DSTYK: variants seen among roughly 807,000 people sequenced by gnomAD.
DSTYK encodes RIP-homologous kinase.
A neutral mutation model predicts 98.7 loss-of-function variants in DSTYK; 34 were observed. The ratio of observed to expected loss-of-function variants is 0.34; its 90% CI spans 0.26 to 0.46. The LOEUF (loss-of-function observed/expected upper bound fraction) is 0.46. Among genes scored for constraint, DSTYK ranks in the 20% least tolerant of loss-of-function variants. The pLI is 1.00. For synonymous variants in DSTYK, 462 were observed against 457.3 expected (o/e 1.01, Z -0.13); for missense variants, 962 against 1,181.7 (o/e 0.81, Z 2.73).
intron 2 of DSTYK, among the ~76,000 whole-genome samples, chr1:205,183,522 G>A (rs562443640): frequency 5.9e-4 from 90 of 152,320 alleles, no homozygotes; most frequent in African/African-American, 2.1e-3. Flanking sequence ...TTGTATAAGA[G>A]GGCAGGGGAA....
chr1:205,175,773 G>C (rs964307938), intron 2 of DSTYK, among the ~76,000 whole-genome samples: 17 of 152,168 alleles, frequency 1.1e-4, no homozygotes, highest in African/African-American at 3.6e-4. Flanking sequence ...ACCTCAGACT[G>C]TTTCATGGAT....
chr1:205,205,482 A>C (rs948824565), intron 1 of DSTYK, among the ~76,000 whole-genome samples: 2 of 151,852 alleles, frequency 1.3e-5, no homozygotes, highest in South Asian at 4.2e-4. Context: ...GTCTCACTCT[A>C]TCACCCAAGC....
At chr1:205,170,371 T>C (rs1454218343) in intron 2 of DSTYK, among the ~76,000 whole-genome samples, 2 of 152,172 alleles carry the variant, frequency 1.3e-5, no homozygotes, top group Non-Finnish European at 2.9e-5. Context: ...CAAGCACACT[T>C]TACTTCCCTC....
Position 205,143,436 on chromosome 1 carries a change from A to C in DSTYK, c.*4122T>G, listed in dbSNP as rs1047036574. Reference sequence around the variant, plus strand: ...AAAATCCAAAAGCTTTGGAAATTCCAGGAAAGCAACTACTCTTTTGGCAGT... The same window carrying C: ...AAAATCCAAAAGCTTTGGAAATTCCCGGAAAGCAACTACTCTTTTGGCAGT... On this transcript the variant is annotated 3_prime_UTR_variant, in exon 13 of 13. Transcript: ENST00000367162. 2 of 152,198 alleles carry C rather than the reference A, an allele frequency of 1.3e-5. No homozygotes were observed. The highest frequency in any genetic ancestry group is 2.9e-5 in the Non-Finnish European group (2 of 68,038). 9.4% of individuals were successfully genotyped at this position (152,198 alleles called of 1,614,324 possible). A position where few individuals can be genotyped will look rare whatever the true frequency, so the allele number is the denominator to read the frequency against.
intron 1 of DSTYK, among the ~76,000 whole-genome samples, chr1:205,206,856 C>T (rs1659218102): frequency 6.6e-6 from 1 of 152,094 alleles, no homozygotes; most frequent in African/African-American, 2.4e-5. Context: ...GCATGAGCCA[C>T]CGCTCCCGGC....
At position 205,183,080 on chromosome 1, in the gene DSTYK, G is replaced by GCACA. The variant is rs35209324; in HGVS notation, c.654+4334_654+4337dup. 1.0e-3 allele frequency among the ~76,000 whole-genome samples: 93 copies of GCACA among 88,788 alleles called. 1 individual carries two copies. In the East Asian group the frequency reaches 0.022, roughly 21 times the overall value. The allele number at this position is 88,788 out of a possible 152,430, so 58.2% of individuals were successfully genotyped here. A position where few individuals can be genotyped will look rare whatever the true frequency, so the allele number is the denominator to read the frequency against. ...AGGTGTTCACAGGAAAAAAAAAAAA[G>GCACA]CACACACACACACACACACACAGAG... On this transcript the variant is annotated intron_variant, in intron 2 of 12. Coordinates refer to ENST00000367162, the MANE Select transcript of DSTYK (RefSeq NM_015375.3).
chr1:205,202,191 A>G (rs190223978), intron 1 of DSTYK: 5 of 562,414 alleles, frequency 8.9e-6, no homozygotes, highest in African/African-American at 1.9e-5. Context: ...ATCCGTGAAA[A>G]TGGTTCGCTA....
At position 205,161,395 on chromosome 1, in the gene DSTYK, A is replaced by G. The variant is rs1220309966; in HGVS notation, c.1819-8T>C. On this transcript the variant is annotated splice_region_variant and splice_polypyrimidine_tract_variant and intron_variant, in intron 6 of 12. Transcript: ENST00000367162. ...TGAGTGGCCAGCTTCCAGCTGGGAGAGAAACAGAAAAAGTACATATGACTT... is the reference window on the plus strand; with the variant it reads ...TGAGTGGCCAGCTTCCAGCTGGGAGGGAAACAGAAAAAGTACATATGACTT... 1 of 1,614,020 alleles carries G rather than the reference A, an allele frequency of 6.2e-7. No homozygotes were observed. Among genetic ancestry groups the G allele is most frequent in the Admixed American group, 1.7e-5 (1 of 59,972 alleles).
Position 205,162,219 on chromosome 1 carries a change from G to C in DSTYK, c.1642-7C>G, listed in dbSNP as rs1574758075. The C allele has an allele frequency of 6.2e-7, 1 of 1,612,262 alleles. No individual in the cohort carries two copies. The highest frequency in any genetic ancestry group is 2.2e-5 in the East Asian group (1 of 44,828). ...ATGTGATGCGCTGGATGATCTACCA[G>C]GATGAAGACAGCGAGATCACCAAGG... On this transcript the variant is annotated splice_polypyrimidine_tract_variant and splice_region_variant and intron_variant, in intron 5 of 12. Transcript: ENST00000367162.
At chr1:205,201,211 A>T (rs923350510) in intron 1 of DSTYK, among the ~76,000 whole-genome samples, 1 of 152,040 alleles carries the variant, frequency 6.6e-6, no homozygotes, top group African/African-American at 2.4e-5. Context: ...GCCCAGTTGT[A>T]TATTTTTAAA....
intron 1 of DSTYK, among the ~76,000 whole-genome samples, chr1:205,190,390 G>A (rs372783154): frequency 6.6e-6 from 1 of 152,036 alleles, no homozygotes; most frequent in African/African-American, 2.4e-5. Flanking sequence ...TCTGAGAGGT[G>A]GAGGTGGGCA....
chr1:205,205,442 T>TTTA (rs771946448), intron 1 of DSTYK, among the ~76,000 whole-genome samples: 14 of 151,964 alleles, frequency 9.2e-5, no homozygotes, highest in Non-Finnish European at 1.5e-4. Flanking sequence ...TTTATTTTAT[T>TTTA]TTATTATTAT....
At position 205,187,532 on chromosome 1, in the gene DSTYK, A is replaced by T. The variant is rs1206717966; in HGVS notation, c.540T>A (p.His180Gln). The T allele has an allele frequency of 6.2e-7, 1 of 1,614,128 alleles. No homozygotes were observed. The highest frequency in any genetic ancestry group is 2.2e-5 in the East Asian group (1 of 44,882). Residue 180 changes from histidine to glutamine, a missense_variant, in exon 2 of 13, where the codon CAT becomes CAA. Physicochemically the swap from His to Gln is conservative, Grantham distance 24. Coordinates refer to ENST00000367162, the MANE Select transcript of DSTYK (RefSeq NM_015375.3). ...CAGGGATGGTCTCCCAGTTGCCCTG[A>T]TGAGCAACCAGCGTGTGCACTAGTT... ...QYELVHTLVA[H>Q]QGNWETIPEE... is the part of the protein sequence containing the mutation.
intron 12 of DSTYK, 34 bp downstream of exon 12, chr1:205,148,171 G>A (rs762983395): frequency 1.2e-6 from 2 of 1,613,432 alleles, no homozygotes; most frequent in Non-Finnish European, 1.7e-6. Flanking sequence ...GCTAGCCAGG[G>A]GAGTTAGGAC....
In DSTYK at chr1:205,154,056, CGTGTGTGT is replaced by C. The variant is rs34909035; in HGVS notation, c.2352+3209_2352+3216del. ...ATAGCTCAGTAAAAAAGTATGCACA[CGTGTGTGT>C]GTGTGTGTGTGTGTGTGTGTGCATG... On this transcript the variant is annotated intron_variant, in intron 10 of 12. Coordinates refer to ENST00000367162, the MANE Select transcript of DSTYK (RefSeq NM_015375.3). 3.5e-5 allele frequency among the ~76,000 whole-genome samples: 5 copies of C among 143,546 alleles called. No individual in the cohort carries two copies. In the South Asian group the frequency reaches 6.8e-4, roughly 19 times the overall value. 94.2% of individuals were successfully genotyped at this position (143,546 alleles called of 152,430 possible). A position where few individuals can be genotyped will look rare whatever the true frequency, so the allele number is the denominator to read the frequency against.
At chr1:205,172,631 T>C (rs915090000) in intron 2 of DSTYK, among the ~76,000 whole-genome samples, 5 of 152,128 alleles carry the variant, frequency 3.3e-5, no homozygotes, top group Admixed American at 6.6e-5. Flanking sequence ...TTTTAAAATC[T>C]TTTTTATTTC....
intron 9 of DSTYK, 53 bp downstream of exon 9, chr1:205,159,494 C>G: frequency 6.4e-7 from 1 of 1,565,918 alleles, no homozygotes; most frequent in Non-Finnish European, 8.7e-7. Flanking sequence ...GGATGAGTGG[C>G]CAGAAAGGAA....
intron 1 of DSTYK, among the ~76,000 whole-genome samples, chr1:205,208,605 G>A (rs1011289065): frequency 6.6e-6 from 1 of 152,170 alleles, no homozygotes; most frequent in Non-Finnish European, 1.5e-5. Flanking sequence ...TGGGTGTGGT[G>A]GCTGATTACT....
At position 205,150,811 on chromosome 1, in the gene DSTYK, G is replaced by C; in HGVS notation, c.2353-17C>G. The C allele has an allele frequency of 1.2e-6, 2 of 1,602,782 alleles. No individual in the cohort carries two copies. The highest frequency in any genetic ancestry group is 1.1e-5 in the South Asian group (1 of 90,866). On this transcript the variant is annotated splice_polypyrimidine_tract_variant and intron_variant, in intron 10 of 12. Coordinates refer to ENST00000367162, the MANE Select transcript of DSTYK (RefSeq NM_015375.3). The surrounding 1 kb of genome is among the most constrained non-coding windows in gnomAD (Gnocchi z 4.1). The stretch of plus-strand genomic sequence containing the variant: ...CTTATCCAGCTGCCAACAAAGCAGG[G>C]CAAGAGTCACCTTGTTTCTGATCCT...
Sources: gnomAD v4.1 joint callset for allele counts (sites outside exome capture counted in the v4.1 genomes callset) on GRCh38, gnomAD v4.1.1 for gene constraint, Gnocchi (gnomAD v3.1) non-coding constraint, MANE v1.5 for transcripts, NCBI Gene and HGNC (gene_info 2026-07-23, HGNC 2026-07-21) for gene names.